Variants in RBM25 observed in about 807,000 individuals in gnomAD.
RBM25 encodes the protein RNA binding motif protein 25.
RBM25 carries 19 observed loss-of-function variants against 120.7 expected under a neutral mutation model. The observed-to-expected ratio is 0.16, with a 90% CI of 0.11 to 0.23. The LOEUF (loss-of-function observed/expected upper bound fraction) is 0.23, where lower values mean the gene tolerates loss of function less well. Ranked by LOEUF, RBM25 falls within the 10% of genes least tolerant of loss-of-function variation. The pLI is 1.00. For missense variants in RBM25, 605 were observed against 1,041.5 expected (o/e 0.58, Z 5.77); for synonymous variants, 390 against 326.7 (o/e 1.19, Z -2.09).
At chr14:73,062,309 CTT>C in intron 1 of RBM25, among the ~76,000 whole-genome samples, 1 of 148,972 alleles carries the variant, frequency 6.7e-6, no homozygotes, top group Non-Finnish European at 1.5e-5. Flanking sequence ...GCATAAAACA[CTT>C]TTTTTTTTCT....
At chr14:73,060,358 A>G (rs1894975102) in intron 1 of RBM25, among the ~76,000 whole-genome samples, 1 of 151,400 alleles carries the variant, frequency 6.6e-6, no homozygotes, top group Non-Finnish European at 1.5e-5. Flanking sequence ...TTTAAAGTAA[A>G]ACTAGTCCAT....
In RBM25 at chr14:73,117,210, C is replaced by CTTTTTTTTTTTTTTTTTTTTTTTTTT. The variant is rs71112704; in HGVS notation, c.2440-2494_2440-2469dup. On this transcript the variant is annotated intron_variant, in intron 18 of 18. Coordinates refer to ENST00000261973, the MANE Select transcript of RBM25 (RefSeq NM_021239.3). ...TTTCTTTTAATTTCTTTCTTCTTTT[C>CTTTTTTTTTTTTTTTTTTTTTTTTTT]TTTTTTTTTTTTTTTTTTTTTTTTT... 6.3e-4 allele frequency among the ~76,000 whole-genome samples: 31 copies of CTTTTTTTTTTTTTTTTTTTTTTTTTT among 49,430 alleles called. 5 individuals are homozygous for CTTTTTTTTTTTTTTTTTTTTTTTTTT. Among genetic ancestry groups the CTTTTTTTTTTTTTTTTTTTTTTTTTT allele is most frequent in the Non-Finnish European group, 9.5e-4 (26 of 27,336 alleles). 32.4% of individuals were successfully genotyped at this position (49,430 alleles called of 152,430 possible). A position where few individuals can be genotyped will look rare whatever the true frequency, so the allele number is the denominator to read the frequency against.
chr14:73,060,479 T>G (rs1004472889), intron 1 of RBM25, among the ~76,000 whole-genome samples: 22 of 151,564 alleles, frequency 1.5e-4, no homozygotes, highest in African/African-American at 5.3e-4. Context: ...CATGATTTAG[T>G]GAAAATTTAC....
At chr14:73,107,711 T>A in intron 12 of RBM25, 115 bp from the exon 13 acceptor site, 2 of 735,594 alleles carry the variant, frequency 2.7e-6, no homozygotes, top group Non-Finnish European at 4.7e-6. Context: ...CCTATAAGTC[T>A]CCCTCTTACT....
intron 4 of RBM25, among the ~76,000 whole-genome samples, chr14:73,078,320 G>T (rs1278288825): frequency 6.6e-6 from 1 of 151,154 alleles, no homozygotes; most frequent in African/African-American, 2.4e-5. Context: ...TAATGACAGG[G>T]ATTAAAAAAT....
chr14:73,105,531 C>A (rs761762339), intron 10 of RBM25, among the ~76,000 whole-genome samples: 45 of 152,202 alleles, frequency 3.0e-4, no homozygotes, highest in Non-Finnish European at 5.7e-4. Flanking sequence ...TGTTTTACAC[C>A]ATCAGGGGAT....
chr14:73,093,698 G>A (rs1895867634), intron 6 of RBM25, among the ~76,000 whole-genome samples: 1 of 151,542 alleles, frequency 6.6e-6, no homozygotes, highest in Non-Finnish European at 1.5e-5. Context: ...AGTAAAGATG[G>A]GTTTCGCCAT....
At chr14:73,085,241 TCTC>T (rs1398522193) in intron 5 of RBM25, among the ~76,000 whole-genome samples, 3 of 151,964 alleles carry the variant, frequency 2.0e-5, no homozygotes, top group African/African-American at 7.3e-5. Context: ...AGGGTCTCGA[TCTC>T]CTGATCTCGT....
chr14:73,084,145 G>T (rs535811437), intron 5 of RBM25, among the ~76,000 whole-genome samples: 8 of 152,078 alleles, frequency 5.3e-5, no homozygotes, highest in African/African-American at 1.7e-4. Flanking sequence ...TGATCCACCC[G>T]CCTTGACCTC....
chr14:73,100,148 A>G (rs1233547909), intron 9 of RBM25: 1 of 476,294 alleles, frequency 2.1e-6, no homozygotes. Flanking sequence ...TGAGATTAAA[A>G]TTTACATTTT....
At chr14:73,105,810 A>T in intron 10 of RBM25, 49 bp from the exon 11 acceptor site, 2 of 1,585,162 alleles carry the variant, frequency 1.3e-6, no homozygotes, top group Non-Finnish European at 1.7e-6. Flanking sequence ...TTTGGTCTTG[A>T]AAACAGAAAG....
intron 2 of RBM25, among the ~76,000 whole-genome samples, chr14:73,073,361 T>A (rs1895338700): frequency 6.6e-6 from 1 of 152,124 alleles, no homozygotes; most frequent in Non-Finnish European, 1.5e-5. Flanking sequence ...GGAATATTAT[T>A]TAACACTTCA....
chr14:73,072,373 C>G (rs1416169694), intron 2 of RBM25, among the ~76,000 whole-genome samples: 1 of 152,066 alleles, frequency 6.6e-6, no homozygotes, highest in African/African-American at 2.4e-5. Flanking sequence ...TTCATATACT[C>G]CCATAACTGC....
chr14:73,119,632 C>CT (rs1231685729), intron 18 of RBM25, 81 bp from the exon 19 acceptor site: 4 of 1,573,338 alleles, frequency 2.5e-6, no homozygotes, highest in Non-Finnish European at 3.4e-6. Flanking sequence ...GGATGAAAAA[C>CT]TTTTTTATAC....
chr14:73,090,663 C>T (rs549877266), intron 6 of RBM25, among the ~76,000 whole-genome samples: 2 of 152,176 alleles, frequency 1.3e-5, no homozygotes, highest in Non-Finnish European at 2.9e-5. Flanking sequence ...TTATATATCT[C>T]TCTCTTTCAC....
chr14:73,118,128 T>C (rs1039388293), intron 18 of RBM25, among the ~76,000 whole-genome samples: 30 of 152,264 alleles, frequency 2.0e-4, no homozygotes, highest in Non-Finnish European at 8.8e-5. Flanking sequence ...TAAATACTTA[T>C]ATTCTCATTT....
chr14:73,063,344 T>A (rs1168921192), intron 1 of RBM25, among the ~76,000 whole-genome samples: 1 of 150,996 alleles, frequency 6.6e-6, no homozygotes, highest in Non-Finnish European at 1.5e-5. Flanking sequence ...AGAGACGAGA[T>A]TTCACTGTGT....
At chr14:73,085,457 C>T (rs962813626) in intron 5 of RBM25, among the ~76,000 whole-genome samples, 2 of 148,840 alleles carry the variant, frequency 1.3e-5, no homozygotes, top group African/African-American at 2.5e-5. Context: ...TTTTGTTGTT[C>T]TTGAGATGGA....
rs1004018672 is a variant in RBM25 at position 73,110,741 on chromosome 14, A to G, written c.1693-90A>G. ...ACCATACCTGGCCTTTTCTCTTTTC[A>G]TAAAGATATTTTACAAGAGGTAATG... is the stretch of plus-strand genomic sequence containing the variant. On this transcript the variant is annotated intron_variant, in intron 14 of 18. Transcript: ENST00000261973. 154 of 1,470,788 alleles carry G rather than the reference A, an allele frequency of 1.0e-4. 1 individual carries two copies. The East Asian group carries it at 3.5e-3, about 33-fold the overall frequency. The allele number at this position is 1,470,788 out of a possible 1,614,324, so 91.1% of individuals were successfully genotyped here.
Sources: gnomAD v4.1 joint callset for allele counts (sites outside exome capture counted in the v4.1 genomes callset) on GRCh38, gnomAD v4.1.1 for gene constraint, MANE v1.5 for transcripts, NCBI Gene and HGNC (gene_info 2026-07-23, HGNC 2026-07-21) for gene names.